SLC29A3: variants seen among roughly 807,000 people sequenced by gnomAD.
SLC29A3 encodes the protein solute carrier family 29 member 3.
A neutral mutation model predicts 25.4 loss-of-function variants in SLC29A3; 18 were observed. That is an observed-to-expected ratio of 0.71 (90% confidence interval 0.49 to 1.05). The LOEUF (loss-of-function observed/expected upper bound fraction) is 1.05. Among genes scored for constraint, SLC29A3 ranks in the 50% least tolerant of loss-of-function variants. The pLI, the probability that SLC29A3 is intolerant of heterozygous loss-of-function variation, is 0.00. For missense variants in SLC29A3, 586 were observed against 609.0 expected, an observed-to-expected ratio of 0.96 and a Z score of 0.40; for synonymous variants, 258 against 267.1, an observed-to-expected ratio of 0.97 and a Z score of 0.33.
At chr10:71,365,838 C>T (rs1186052315), downstream of SLC29A3, 2 of 151,922 alleles carry the variant, frequency 1.3e-5, no homozygotes, top group South Asian at 4.2e-4. Context: ...GAGGGGTGAA[C>T]AAAACTCACC....
intron 3 of SLC29A3, among the ~76,000 whole-genome samples, chr10:71,349,482 A>G (rs1315030199): frequency 1.3e-5 from 2 of 152,058 alleles, no homozygotes; most frequent in African/African-American, 4.8e-5. Flanking sequence ...TGTGGGTCAC[A>G]TGCTAATTCC....
chr10:71,353,208 C>T (rs1462799316), intron 4 of SLC29A3, among the ~76,000 whole-genome samples: 4 of 152,156 alleles, frequency 2.6e-5, no homozygotes, highest in African/African-American at 9.7e-5. Context: ...TTTCTGAGAT[C>T]AGATTAGGCT....
chr10:71,324,879 T>C (rs936877119), intron 2 of SLC29A3, among the ~76,000 whole-genome samples: 1 of 151,966 alleles, frequency 6.6e-6, no homozygotes, highest in African/African-American at 2.4e-5. Flanking sequence ...AAGTCAGGAC[T>C]GGGGGGTCGG....
intron 3 of SLC29A3, among the ~76,000 whole-genome samples, chr10:71,372,242 G>A (rs968701828): frequency 1.3e-5 from 2 of 152,222 alleles, no homozygotes; most frequent in African/African-American, 4.8e-5. Context: ...TATGAACCGG[G>A]CAAGTGAATG....
At chr10:71,346,072 G>A (rs1329054834) in intron 3 of SLC29A3, among the ~76,000 whole-genome samples, 2 of 152,194 alleles carry the variant, frequency 1.3e-5, no homozygotes, top group South Asian at 2.1e-4. Flanking sequence ...GAGGGAGGCT[G>A]TGACATTGCC....
chr10:71,338,708 G>A (rs1286533744), intron 2 of SLC29A3, among the ~76,000 whole-genome samples: 1 of 152,066 alleles, frequency 6.6e-6, no homozygotes, highest in South Asian at 2.1e-4. Context: ...AGTCAGCCAG[G>A]ATCATGCCAC....
intron 4 of SLC29A3, among the ~76,000 whole-genome samples, chr10:71,376,283 A>G (rs775496470): frequency 6.6e-6 from 1 of 152,224 alleles, no homozygotes; most frequent in Non-Finnish European, 1.5e-5. Context: ...AGTAGCTGCC[A>G]GGCACCTGGC....
At chr10:71,342,543 A>G (rs1440529614) in intron 2 of SLC29A3, among the ~76,000 whole-genome samples, 1 of 152,380 alleles carries the variant, frequency 6.6e-6, no homozygotes, top group South Asian at 2.1e-4. Flanking sequence ...GCTCGAAGAA[A>G]CAAAATCATC....
chr10:71,344,365 C>G (rs752669227), intron 3 of SLC29A3, 74 bp downstream of exon 3: 75 of 1,206,112 alleles, frequency 6.2e-5, no homozygotes, highest in Non-Finnish European at 8.8e-5. Context: ...TTGCCTGCAG[C>G]TGCTTTTTTT....
At chr10:71,347,730 G>C in intron 3 of SLC29A3, among the ~76,000 whole-genome samples, 1 of 152,146 alleles carries the variant, frequency 6.6e-6, no homozygotes, top group East Asian at 1.9e-4. Context: ...GGCCATGTAG[G>C]GGGACAGAGG....
At chr10:71,339,917 G>T (rs1009323878) in intron 2 of SLC29A3, among the ~76,000 whole-genome samples, 1 of 151,720 alleles carries the variant, frequency 6.6e-6, no homozygotes, top group African/African-American at 2.4e-5. Flanking sequence ...CCACCTCCCC[G>T]AGGGCACGCA....
In SLC29A3 at chr10:71,344,287, A is replaced by G. The variant is rs761243929; in HGVS notation, c.379A>G (p.Asn127Asp). The G allele has an allele frequency of 6.2e-7, 1 of 1,613,558 alleles. No individual in the cohort carries two copies. Among genetic ancestry groups the G allele is most frequent in the Admixed American group, 1.7e-5 (1 of 60,022 alleles). ...CCTGGTGGCCAACTTCCTGCTTGTCAACAGGTAGGCGACTCTCTTCCCTCT... is the reference window on the plus strand; with the variant it reads ...CCTGGTGGCCAACTTCCTGCTTGTCGACAGGTAGGCGACTCTCTTCCCTCT... Reference protein sequence around the residue: ...LCLVANFLLVNRVAVHIRVLA... With the variant: ...LCLVANFLLVDRVAVHIRVLA... Residue 127 changes from asparagine (N) to aspartate (D), a missense_variant, in exon 3 of 6, where the codon AAC becomes GAC. By Grantham distance (23) the Asn-to-Asp change is conservative (BLOSUM62 1). Coordinates refer to ENST00000373189, the MANE Select transcript of SLC29A3 (RefSeq NM_018344.6).
intron 1 of SLC29A3, among the ~76,000 whole-genome samples, chr10:71,320,182 G>T (rs748423553): frequency 2.3e-4 from 35 of 152,256 alleles, no homozygotes; most frequent in Non-Finnish European, 4.4e-4. Flanking sequence ...CCCTAGCCAG[G>T]TGTGGTCCTG....
intron 2 of SLC29A3, among the ~76,000 whole-genome samples, chr10:71,340,646 G>A (rs1405702978): frequency 2.6e-5 from 4 of 152,200 alleles, no homozygotes; most frequent in Admixed American, 2.6e-4. Context: ...TGCTTTGGGG[G>A]CAGTCTTGTT....
intron 2 of SLC29A3, among the ~76,000 whole-genome samples, chr10:71,336,209 G>A (rs776082399): frequency 1.2e-4 from 18 of 152,060 alleles, no homozygotes; most frequent in South Asian, 4.1e-4. Context: ...CTCTTTTCCC[G>A]TATACTGTGG....
chr10:71,360,170 A>G (rs1847019706), intron 5 of SLC29A3, among the ~76,000 whole-genome samples: 1 of 102,944 alleles, frequency 9.7e-6, no homozygotes, highest in Admixed American at 1.4e-4. Flanking sequence ...TTGAGACGGA[A>G]TCTTACTCTG....
intron 2 of SLC29A3, among the ~76,000 whole-genome samples, chr10:71,337,016 C>G (rs1846271198): frequency 6.6e-6 from 1 of 152,186 alleles, no homozygotes; most frequent in African/African-American, 2.4e-5. Flanking sequence ...GTGGCTTCGT[C>G]TGTCTGGCCA....
rs1273217440 is a variant in SLC29A3 at position 71,362,266 on chromosome 10, C to A, written c.1086C>A (p.Gly362=). The change falls in exon 6 of 6, where the codon GGC becomes GGA. Residue 362 remains glycine (G), a synonymous_variant. Transcript: ENST00000373189. The part of the protein sequence containing the change: ...FLLYNFADLC[G]RQLTAWIQVP... ...TGTACAACTTTGCTGACCTATGTGG[C>A]CGGCAGCTCACCGCCTGGATCCAGG... 3 of 1,614,176 alleles carry A rather than the reference C, an allele frequency of 1.9e-6. No individual in the cohort carries two copies. In the African/African-American group the frequency reaches 4.0e-5, roughly 22 times the overall value.
intron 5 of SLC29A3, 132 bp from the exon 6 acceptor site, chr10:71,361,821 TG>T: frequency 9.7e-7 from 1 of 1,033,972 alleles, no homozygotes; most frequent in Non-Finnish European, 1.4e-6. Flanking sequence ...CAGGGAACGC[TG>T]GAGCTGTGGG....
Sources: gnomAD v4.1 joint callset for allele counts (sites outside exome capture counted in the v4.1 genomes callset) on GRCh38, gnomAD v4.1.1 for gene constraint, MANE v1.5 for transcripts, NCBI Gene and HGNC (gene_info 2026-07-23, HGNC 2026-07-21) for gene names.